CDH8: variants seen among roughly 807,000 people sequenced by gnomAD.
CDH8 encodes cadherin-8.
A neutral mutation model predicts 68.1 loss-of-function variants in CDH8; 17 were observed. That is an observed-to-expected ratio of 0.25 (90% CI 0.17 to 0.37). The LOEUF is 0.37. CDH8 is among the 10% of genes least tolerant of loss of function. The pLI is 1.00. For synonymous variants in CDH8, 372 were observed against 365.1 expected, an observed-to-expected ratio of 1.02 and a Z score of -0.21; for missense variants, 763 against 999.3, an observed-to-expected ratio of 0.76 and a Z score of 3.19.
chr16:61,706,560 G>T lies in CDH8; in HGVS notation c.1654+7281C>A, dbSNP rs974661335. 1.4e-4 allele frequency among the ~76,000 whole-genome samples: 21 copies of T among 146,404 alleles called. 2 individuals are homozygous for T. In the South Asian group the frequency reaches 3.9e-3, roughly 27 times the overall value. ...GGCGTGAACGCCGGAAGCGGAGCCT[G>T]CAGTGAGCCGAGATCGCGCCACCGC... On this transcript the variant is annotated intron_variant, in intron 10 of 11. Coordinates refer to ENST00000577390, the MANE Select transcript of CDH8 (RefSeq NM_001796.5).
intron 8 of CDH8, among the ~76,000 whole-genome samples, chr16:61,741,293 T>C (rs1959865569): frequency 6.6e-6 from 1 of 152,170 alleles, no homozygotes; most frequent in Admixed American, 6.5e-5. Flanking sequence ...GTGAGTCCTT[T>C]AGTAGATATA....
chr16:61,823,756 T>C (rs1962267317), intron 5 of CDH8, among the ~76,000 whole-genome samples: 1 of 151,922 alleles, frequency 6.6e-6, no homozygotes, highest in African/African-American at 2.4e-5. Flanking sequence ...AATCCAAGTA[T>C]GGCTAATTTC....
chr16:61,989,159 G>A (rs1015173077), intron 2 of CDH8, among the ~76,000 whole-genome samples: 2 of 152,166 alleles, frequency 1.3e-5, no homozygotes, highest in South Asian at 4.1e-4. Context: ...ATCTTAGTCA[G>A]ATGGAGAAAG....
intron 10 of CDH8, among the ~76,000 whole-genome samples, chr16:61,658,104 A>G (rs144404009): frequency 2.8e-4 from 42 of 151,798 alleles, no homozygotes; most frequent in Middle Eastern, 3.4e-3. Context: ...TTTTGTTTCT[A>G]TTTTTGGATT....
intron 8 of CDH8, among the ~76,000 whole-genome samples, chr16:61,736,754 T>C (rs1270034300): frequency 6.6e-6 from 1 of 152,216 alleles, no homozygotes; most frequent in Non-Finnish European, 1.5e-5. Flanking sequence ...AAAGATATTA[T>C]AGAGCAATAA....
At chr16:61,710,019 G>T (rs2142863550) in intron 10 of CDH8, among the ~76,000 whole-genome samples, 1 of 152,200 alleles carries the variant, frequency 6.6e-6, no homozygotes. Context: ...AAGAGACCTG[G>T]CTGAGAATGA....
intron 3 of CDH8, among the ~76,000 whole-genome samples, chr16:61,872,820 T>C (rs923413320): frequency 6.6e-5 from 10 of 152,322 alleles, no homozygotes; most frequent in East Asian, 3.9e-4. Flanking sequence ...AAAAGTAATA[T>C]GAACTTGCTA....
intron 4 of CDH8, among the ~76,000 whole-genome samples, chr16:61,841,052 T>A (rs1169439496): frequency 6.6e-6 from 1 of 152,236 alleles, no homozygotes. Flanking sequence ...AAACTTGCTA[T>A]GGCTGAAGAG....
At chr16:61,777,449 C>T (rs1960929414) in intron 8 of CDH8, among the ~76,000 whole-genome samples, 1 of 152,020 alleles carries the variant, frequency 6.6e-6, no homozygotes, top group African/African-American at 2.4e-5. Flanking sequence ...TAAAGAGTGA[C>T]AAGGGCAAGA....
In CDH8 at chr16:61,702,871, G is replaced by A. The variant is rs1367430884; in HGVS notation, c.1654+10970C>T. 2.6e-5 allele frequency among the ~76,000 whole-genome samples: 4 copies of A among 152,134 alleles called. No homozygotes were observed. The East Asian group carries it at 7.7e-4, about 29-fold the overall frequency. ...AGTCACTTACTATAGCTGAACTTCA[G>A]TTTTCTCATCAGGAAAAATGGCAAT... On this transcript the variant is annotated intron_variant, in intron 10 of 11. Coordinates refer to ENST00000577390, the MANE Select transcript of CDH8 (RefSeq NM_001796.5).
intron 3 of CDH8, among the ~76,000 whole-genome samples, chr16:61,866,127 G>A (rs1353950787): frequency 3.3e-5 from 5 of 152,038 alleles, no homozygotes; most frequent in Non-Finnish European, 7.4e-5. Flanking sequence ...GGGAGGCTGA[G>A]GTTGGAGGAT....
rs1963235844 is a variant in CDH8 at position 61,647,731 on chromosome 16, G to A, written c.*5877C>T. 1.4e-6 allele frequency: 1 copy of A among 691,496 alleles called. No homozygotes were observed. The highest frequency in any genetic ancestry group is 2.6e-6 in the Non-Finnish European group (1 of 379,166). The allele number at this position is 691,496 out of a possible 1,614,324, so 42.8% of individuals were successfully genotyped here. A position where few individuals can be genotyped will look rare whatever the true frequency, so the allele number is the denominator to read the frequency against. On this transcript the variant is annotated 3_prime_UTR_variant, in exon 12 of 12. Coordinates refer to ENST00000577390, the MANE Select transcript of CDH8 (RefSeq NM_001796.5). ...TAGGATGGCCTGAAGTTCTTTGCATGTACAGAAGAAATCCCAAGAAATTAA... is the reference window on the plus strand; with the variant it reads ...TAGGATGGCCTGAAGTTCTTTGCATATACAGAAGAAATCCCAAGAAATTAA...
chr16:61,758,685 G>A (rs889976496), intron 8 of CDH8, among the ~76,000 whole-genome samples: 11 of 152,014 alleles, frequency 7.2e-5, no homozygotes, highest in Non-Finnish European at 1.2e-4. Context: ...CGCCCACCTC[G>A]GCTTCCCAAT....
intron 2 of CDH8, among the ~76,000 whole-genome samples, chr16:61,981,563 A>G (rs927319374): frequency 6.6e-6 from 1 of 152,180 alleles, no homozygotes; most frequent in Non-Finnish European, 1.5e-5. Flanking sequence ...GACACAGAGT[A>G]ATCCCTTCAC....
chr16:61,783,567 G>A (rs1376552707), intron 8 of CDH8, among the ~76,000 whole-genome samples: 4 of 150,494 alleles, frequency 2.7e-5, no homozygotes, highest in East Asian at 4.0e-4. Context: ...CCAACGTTCA[G>A]ATTCAGGAAA....
intron 10 of CDH8, among the ~76,000 whole-genome samples, chr16:61,658,526 A>T (rs967634657): frequency 2.6e-5 from 4 of 152,052 alleles, no homozygotes; most frequent in African/African-American, 9.7e-5. Context: ...ATCAAAGATC[A>T]TTTCTCACAA....
At chr16:61,994,688 A>T (rs1327462485) in intron 2 of CDH8, among the ~76,000 whole-genome samples, 2 of 152,194 alleles carry the variant, frequency 1.3e-5, no homozygotes, top group Non-Finnish European at 2.9e-5. Context: ...AGAAACACAA[A>T]TTCTGTCCCA....
At position 61,867,178 on chromosome 16, in the gene CDH8, T is replaced by A. The variant is rs576185338; in HGVS notation, c.548-9940A>T. On this transcript the variant is annotated intron_variant, in intron 3 of 11. Coordinates refer to ENST00000577390, the MANE Select transcript of CDH8 (RefSeq NM_001796.5). ...AAGAACTATGAGTTCACAGAGTTTT[T>A]AAAAAATATTTACTAACTGACACGA... Among the ~76,000 whole-genome samples the A allele has an allele frequency of 3.9e-5, 6 of 152,312 alleles. No individual in the cohort carries two copies. The South Asian group carries it at 1.2e-3, about 32-fold the overall frequency.
intron 1 of CDH8, among the ~76,000 whole-genome samples, chr16:62,027,142 T>C (rs1902215440): frequency 6.6e-6 from 1 of 152,228 alleles, no homozygotes; most frequent in Non-Finnish European, 1.5e-5. Context: ...TTACAGTTTC[T>C]CTGGAATTCT....
Sources: allele counts gnomAD v4.1 joint callset (sites outside exome capture counted in the v4.1 genomes callset), GRCh38; gene constraint gnomAD v4.1.1; transcripts MANE v1.5; gene names NCBI Gene and HGNC (gene_info 2026-07-23, HGNC 2026-07-21).